The following AGAP1 variants were observed in gnomAD, a reference collection of about 807,000 sequenced individuals.
AGAP1 encodes ArfGAP with GTPase domain, ankyrin repeat and PH domain 1, also known as arf-GAP with GTPase, ANK repeat and PH domain-containing protein 1.
In AGAP1, 29 loss-of-function variants were observed where a neutral mutation model predicts 105.3. The ratio of observed to expected loss-of-function variants is 0.28; its 90% confidence interval spans 0.21 to 0.38. AGAP1 has a LOEUF of 0.38. Ranked by LOEUF, AGAP1 falls within the 10% of genes least tolerant of loss-of-function variation. The pLI is 1.00. For synonymous variants in AGAP1, 509 were observed against 485.9 expected, an observed-to-expected ratio of 1.05 and a Z score of -0.63; for missense variants, 998 against 1,165.1, an observed-to-expected ratio of 0.86 and a Z score of 2.09.
Position 235,548,114 on chromosome 2 carries a change from C to T in AGAP1, c.163+53265C>T, listed in dbSNP as rs79679928. Among the ~76,000 whole-genome samples the T allele has an allele frequency of 1.9e-3, 293 of 152,328 alleles. 8 individuals carry two copies. In the East Asian group the frequency reaches 0.043, roughly 22 times the overall value. ...CTGTGTCCATTTTAAAGCAAGAAAA[C>T]AAATGGCACGATTGCTCTGCTGTTC... On this transcript the variant is annotated intron_variant, in intron 1 of 17. Coordinates refer to ENST00000304032, the MANE Select transcript of AGAP1 (RefSeq NM_001037131.3).
In AGAP1 at chr2:235,549,540, G is replaced by T. The variant is rs148745780; in HGVS notation, c.163+54691G>T. ...AGATGGTGTTGGCAGCCTTTTTCAC[G>T]TACAGAGTTGCATTGCTCCTCCGTC... On this transcript the variant is annotated intron_variant, in intron 1 of 17. Transcript: ENST00000304032. This position sits in a 1 kb window ranked among gnomAD's most constrained non-coding sequence, Gnocchi z 4.2. Among the ~76,000 whole-genome samples the T allele has an allele frequency of 6.6e-6, 1 of 152,136 alleles. No homozygotes were observed. Among genetic ancestry groups the T allele is most frequent in the Non-Finnish European group, 1.5e-5 (1 of 68,036 alleles).
chr2:236,048,061 A>C (rs1248165928), intron 15 of AGAP1, among the ~76,000 whole-genome samples: 1 of 152,204 alleles, frequency 6.6e-6, no homozygotes, highest in Non-Finnish European at 1.5e-5. Context: ...AGTGAGTCAA[A>C]TGTGACCTAA....
rs757248532 is a variant in AGAP1, at chr2:235,799,428, C to A, written c.863C>A (p.Thr288Asn). 3.7e-6 allele frequency: 6 copies of A among 1,614,044 alleles called. No individual in the cohort carries two copies. The highest frequency in any genetic ancestry group is 5.1e-6 in the Non-Finnish European group (6 of 1,180,028). ...YSSSVPSTPSTSQKELRIDVP... is the reference protein window; with the variant it reads ...YSSSVPSTPSNSQKELRIDVP... ...TCCTCCGTTCCATCGACTCCCAGCACCAGCCAGAAGGAACTTCGGATCGAT... is the reference window on the plus strand; with the variant it reads ...TCCTCCGTTCCATCGACTCCCAGCAACAGCCAGAAGGAACTTCGGATCGAT... The change falls in exon 8 of 18, where the codon ACC (threonine) becomes AAC (asparagine). Residue 288 changes from threonine to asparagine, a missense_variant. Thr to Asn is a moderately conservative substitution (Grantham distance 65). Transcript: ENST00000304032. The surrounding 1 kb of genome is among the most constrained non-coding windows in gnomAD (Gnocchi z 5.0).
At chr2:235,528,556 C>T (rs978932731) in intron 1 of AGAP1, among the ~76,000 whole-genome samples, 2 of 152,136 alleles carry the variant, frequency 1.3e-5, no homozygotes, top group Non-Finnish European at 2.9e-5. Context: ...TGTCATTTTC[C>T]TTAAGTCAGT....
Position 235,889,648 on chromosome 2 carries a change from C to T in AGAP1, c.1155+6199C>T, listed in dbSNP as rs1387616103. Among the ~76,000 whole-genome samples, 4 of 151,798 alleles carry T rather than the reference C, an allele frequency of 2.6e-5. No individual in the cohort carries two copies. The South Asian group carries it at 6.2e-4, about 24-fold the overall frequency. On this transcript the variant is annotated intron_variant, in intron 10 of 17. Coordinates refer to ENST00000304032, the MANE Select transcript of AGAP1 (RefSeq NM_001037131.3). The surrounding 1 kb of genome is among the most constrained non-coding windows in gnomAD (Gnocchi z 4.6). ...TCCTTTGACTTGCAGCTCAGCCTCA[C>T]TCTGTCCTTTACTTAGGACATAAGC... is the stretch of plus-strand genomic sequence containing the variant.
At position 236,078,085 on chromosome 2, in the gene AGAP1, G is replaced by GGGAA. The variant is rs1410090450; in HGVS notation, c.2114+28804_2114+28805insGGAA. 7.1e-6 allele frequency among the ~76,000 whole-genome samples: 1 copy of GGGAA among 141,660 alleles called. No homozygotes were observed. The highest frequency in any genetic ancestry group is 7.3e-5 in the Admixed American group (1 of 13,696). 92.9% of individuals were successfully genotyped at this position (141,660 alleles called of 152,430 possible). On this transcript the variant is annotated intron_variant, in intron 16 of 17. Coordinates refer to ENST00000304032, the MANE Select transcript of AGAP1 (RefSeq NM_001037131.3). This position sits in a 1 kb window ranked among gnomAD's most constrained non-coding sequence, Gnocchi z 5.3. ...TGTGTGTGTGTGTGTAATCTGAAGT[G>GGGAA]TGTAGGGCAGGCCAGCTGGTGTGTG...
Position 235,740,839 on chromosome 2 carries a change from A to G in AGAP1, c.311-124A>G, listed in dbSNP as rs1559419611. On this transcript the variant is annotated intron_variant, in intron 3 of 17. Transcript: ENST00000304032. This position sits in a 1 kb window ranked among gnomAD's most constrained non-coding sequence, Gnocchi z 5.7. ...ATTCAGCATTTGCTGGCAACATCCTAAATACTCAGTTGCCTCCAGGGCGAC... is the reference window on the plus strand; with the variant it reads ...ATTCAGCATTTGCTGGCAACATCCTGAATACTCAGTTGCCTCCAGGGCGAC... The G allele has an allele frequency of 4.6e-6, 5 of 1,081,266 alleles. No homozygotes were observed. The highest frequency in any genetic ancestry group is 5.4e-6 in the Non-Finnish European group (4 of 743,238). 67.0% of individuals were successfully genotyped at this position (1,081,266 alleles called of 1,614,324 possible).
At chr2:235,726,999 A>T (rs1031899550) in intron 3 of AGAP1, among the ~76,000 whole-genome samples, 4 of 152,106 alleles carry the variant, frequency 2.6e-5, no homozygotes, top group African/African-American at 7.2e-5. Flanking sequence ...CAAGCCCTTC[A>T]TGGTGGTTTC....
intron 16 of AGAP1, among the ~76,000 whole-genome samples, chr2:236,108,814 G>A (rs2059571397): frequency 6.6e-6 from 1 of 152,032 alleles, no homozygotes; most frequent in African/African-American, 2.4e-5. Context: ...AGCGGCCCCT[G>A]TGAGGACTGA....
At position 235,927,476 on chromosome 2, in the gene AGAP1, C is replaced by G. The variant is rs112367825; in HGVS notation, c.1325-3289C>G. ...ATTCACAGCAGAGTCCTGTTGTTTC[C>G]TAGTGTGTAGGCTTGAAGGAATCTC... is the stretch of plus-strand genomic sequence containing the variant. On this transcript the variant is annotated intron_variant, in intron 11 of 17. Transcript: ENST00000304032. This position sits in a 1 kb window ranked among gnomAD's most constrained non-coding sequence, Gnocchi z 4.4. 2.0e-5 allele frequency among the ~76,000 whole-genome samples: 3 copies of G among 152,136 alleles called. No individual in the cohort carries two copies. Among genetic ancestry groups the G allele is most frequent in the Admixed American group, 6.5e-5 (1 of 15,280 alleles).
chr2:236,099,763 G>A (rs1265599340), intron 16 of AGAP1, among the ~76,000 whole-genome samples: 1 of 152,116 alleles, frequency 6.6e-6, no homozygotes, highest in Non-Finnish European at 1.5e-5. Flanking sequence ...TTTGAGGCTG[G>A]GCGCAGTGGC....
chr2:235,709,681 T>G (rs1007512657), intron 2 of AGAP1, among the ~76,000 whole-genome samples: 2 of 152,234 alleles, frequency 1.3e-5, no homozygotes, highest in African/African-American at 4.8e-5. Context: ...GTATCCATCA[T>G]TTTTGAAATG....
intron 1 of AGAP1, among the ~76,000 whole-genome samples, chr2:235,674,993 TTTA>T (rs1028964249): frequency 2.0e-5 from 3 of 151,594 alleles, no homozygotes; most frequent in Admixed American, 6.5e-5. Context: ...ATTTTATTAT[TTTA>T]TTATTTTTAT....
chr2:235,545,464 C>G (rs1943592366), intron 1 of AGAP1, among the ~76,000 whole-genome samples: 1 of 152,192 alleles, frequency 6.6e-6, no homozygotes, highest in African/African-American at 2.4e-5. Context: ...TGAGCCAGAA[C>G]CTTTCTGGGT....
rs913210073 is a variant in AGAP1, at chr2:236,049,221, C to T, written c.2054C>T (p.Ala685Val). 6.2e-7 allele frequency: 1 copy of T among 1,614,214 alleles called. No individual in the cohort carries two copies. Among genetic ancestry groups the T allele is most frequent in the East Asian group, 2.2e-5 (1 of 44,880 alleles). The stretch of plus-strand genomic sequence containing the variant: ...ATGTCATCCATCGGGAACGAGCTAG[C>T]CAACAGCGTCTGGGAAGAGAGCAGC... ...KVMSSIGNELANSVWEESSQG... is the reference protein window; with the variant it reads ...KVMSSIGNELVNSVWEESSQG... The change falls in exon 16 of 18, where the codon GCC becomes GTC. Residue 685 changes from alanine to valine, a missense_variant. Transcript: ENST00000304032.
In AGAP1 at chr2:235,959,262, G is replaced by A. The variant is rs74636055; in HGVS notation, c.1484-9200G>A. Among the ~76,000 whole-genome samples, 5,232 of 152,280 alleles carry A rather than the reference G, an allele frequency of 0.034. 116 individuals carry two copies. The highest frequency in any genetic ancestry group is 0.055 in the Non-Finnish European group (3,730 of 68,008). On this transcript the variant is annotated intron_variant, in intron 12 of 17. Transcript: ENST00000304032. This position sits in a 1 kb window ranked among gnomAD's most constrained non-coding sequence, Gnocchi z 7.3. The stretch of plus-strand genomic sequence containing the variant: ...AGGAGCGGATGGCGCTCCGTGGGCC[G>A]GCTGGAGCTCATTTACAGTGTCTCA...
rs888923812 is a variant in AGAP1 at position 235,843,271 on chromosome 2, C to A, written c.1050+35940C>A. 1.3e-5 allele frequency among the ~76,000 whole-genome samples: 2 copies of A among 152,120 alleles called. No individual in the cohort carries two copies. The highest frequency in any genetic ancestry group is 4.8e-5 in the African/African-American group (2 of 41,422). ...AGCTTCGGCTGCGGCCTTCCAGCCCCCTGGGTCTCACTGCTTGCTGCCTCC... is the reference window on the plus strand; with the variant it reads ...AGCTTCGGCTGCGGCCTTCCAGCCCACTGGGTCTCACTGCTTGCTGCCTCC... On this transcript the variant is annotated intron_variant, in intron 9 of 17. Coordinates refer to ENST00000304032, the MANE Select transcript of AGAP1 (RefSeq NM_001037131.3). This position sits in a 1 kb window ranked among gnomAD's most constrained non-coding sequence, Gnocchi z 5.9.
chr2:236,079,011 C>T (rs997434530), intron 16 of AGAP1, among the ~76,000 whole-genome samples: 1 of 152,024 alleles, frequency 6.6e-6, no homozygotes, highest in Non-Finnish European at 1.5e-5. Context: ...TACCTGATGC[C>T]GGGGCTGGGG....
chr2:235,732,635 C>G lies in AGAP1; in HGVS notation c.311-8328C>G, dbSNP rs936709976. On this transcript the variant is annotated intron_variant, in intron 3 of 17. Transcript: ENST00000304032. The surrounding 1 kb of genome is among the most constrained non-coding windows in gnomAD (Gnocchi z 4.8). ...CCTTCCCATTTTCCCTGCTGGGGAG[C>G]CTTTGCATAATGTCCCCAGCCCTGC... Among the ~76,000 whole-genome samples the G allele has an allele frequency of 6.6e-6, 1 of 152,134 alleles. No homozygotes were observed. Among genetic ancestry groups the G allele is most frequent in the African/African-American group, 2.4e-5 (1 of 41,418 alleles).
Sources: gnomAD v4.1 joint callset for allele counts (sites outside exome capture counted in the v4.1 genomes callset) on GRCh38, gnomAD v4.1.1 for gene constraint, Gnocchi (gnomAD v3.1) non-coding constraint, MANE v1.5 for transcripts, NCBI Gene and HGNC (gene_info 2026-07-23, HGNC 2026-07-21) for gene names.